Variants in MINDY2 observed in about 807,000 individuals in gnomAD.
MINDY2 encodes ubiquitin carboxyl-terminal hydrolase MINDY-2.
In MINDY2, 52 loss-of-function variants were observed where a neutral mutation model predicts 68.2. That is an observed-to-expected ratio of 0.76 (90% CI 0.61 to 0.96). The LOEUF (loss-of-function observed/expected upper bound fraction) is 0.96, where lower values mean the gene tolerates loss of function less well. Ranked by LOEUF, MINDY2 falls within the 40% of genes least tolerant of loss-of-function variation. MINDY2 has a pLI of 0.00. For missense variants in MINDY2, 881 were observed against 773.4 expected (o/e 1.14, Z -1.65); for synonymous variants, 372 against 303.0 (o/e 1.23, Z -2.36).
In MINDY2 at chr15:58,852,972, A is replaced by ATTTTTTTTTTTTTTTTTTTTT. The variant is rs1567079858; in HGVS notation, c.1737+1007_1737+1008insTTTTTTTTTTTTTTTTTTTTT. On this transcript the variant is annotated intron_variant, in intron 8 of 8. Transcript: ENST00000559228. ...TTTTTTTTTTTTTTTTTTTTTTTTA[A>ATTTTTTTTTTTTTTTTTTTTT]GACAGAGTCTCACTCTGTTGCCCAG... is the stretch of plus-strand genomic sequence containing the variant. Among the ~76,000 whole-genome samples, 28 of 17,272 alleles carry ATTTTTTTTTTTTTTTTTTTTT rather than the reference A, an allele frequency of 1.6e-3. 10 individuals carry two copies. Among genetic ancestry groups the ATTTTTTTTTTTTTTTTTTTTT allele is most frequent in the Non-Finnish European group, 3.6e-3 (22 of 6,082 alleles). The allele number at this position is 17,272 out of a possible 152,430, so 11.3% of individuals were successfully genotyped here. A position where few individuals can be genotyped will look rare whatever the true frequency, so the allele number is the denominator to read the frequency against.
intron 1 of MINDY2, among the ~76,000 whole-genome samples, chr15:58,783,129 C>T (rs557822863): frequency 2.0e-5 from 3 of 151,866 alleles, no homozygotes; most frequent in Non-Finnish European, 2.9e-5. Context: ...CCATGTTAGC[C>T]AGGCTGGTCT....
At chr15:58,818,317 G>A (rs1280914685) in intron 4 of MINDY2, among the ~76,000 whole-genome samples, 3 of 152,124 alleles carry the variant, frequency 2.0e-5, no homozygotes, top group African/African-American at 7.2e-5. Context: ...AGAGTGCAGT[G>A]GCGTGATCAT....
intron 6 of MINDY2, among the ~76,000 whole-genome samples, chr15:58,838,231 C>G (rs1225862079): frequency 6.6e-6 from 1 of 151,618 alleles, no homozygotes; most frequent in Non-Finnish European, 1.5e-5. Context: ...AACCCCATCT[C>G]TACTAAAAAT....
intron 6 of MINDY2, 78 bp downstream of exon 6, chr15:58,831,994 A>G (rs1338665038): frequency 1.6e-6 from 2 of 1,278,164 alleles, no homozygotes; most frequent in African/African-American, 1.5e-5. Flanking sequence ...TGATCTGCTT[A>G]TAAATAAAAG....
intron 4 of MINDY2, among the ~76,000 whole-genome samples, chr15:58,814,857 G>A (rs1333860121): frequency 1.4e-5 from 2 of 146,934 alleles, no homozygotes; most frequent in African/African-American, 5.0e-5. Flanking sequence ...CTCCCAGGCT[G>A]GTCTTGAACT....
intron 6 of MINDY2, among the ~76,000 whole-genome samples, chr15:58,843,365 G>C (rs1314528237): frequency 6.6e-6 from 1 of 152,040 alleles, no homozygotes; most frequent in East Asian, 1.9e-4. Context: ...TGGCCAGGCA[G>C]GTCTGAAACT....
At position 58,771,773 on chromosome 15, in the gene MINDY2, C is replaced by T. The variant is rs763187587; in HGVS notation, c.378C>T (p.Ala126=). The T allele has an allele frequency of 4.3e-6, 7 of 1,610,644 alleles. No individual in the cohort carries two copies. Among genetic ancestry groups the T allele is most frequent in the Non-Finnish European group, 5.9e-6 (7 of 1,179,154 alleles). Residue 126 remains alanine, a synonymous_variant, in exon 1 of 9, where the codon GCC becomes GCT. Coordinates refer to ENST00000559228, the MANE Select transcript of MINDY2 (RefSeq NM_001040450.3). ...VAGVGHELGT[A]GDAGARPDLA... ...GAGTGGGTCATGAGTTGGGTACCGCCGGAGACGCGGGAGCCCGCCCGGATC... is the reference window on the plus strand; with the variant it reads ...GAGTGGGTCATGAGTTGGGTACCGCTGGAGACGCGGGAGCCCGCCCGGATC...
chr15:58,821,492 A>G (rs549105324), intron 4 of MINDY2, among the ~76,000 whole-genome samples: 4 of 152,300 alleles, frequency 2.6e-5, no homozygotes, highest in African/African-American at 9.6e-5. Context: ...CTTATTTTGC[A>G]TAATTAAAAT....
Position 58,835,255 on chromosome 15 carries a change from C to T in MINDY2, c.1368+3339C>T, listed in dbSNP as rs190618098. Among the ~76,000 whole-genome samples the T allele has an allele frequency of 1.6e-3, 242 of 152,258 alleles. 1 individual carries two copies. Among genetic ancestry groups the T allele is most frequent in the African/African-American group, 5.5e-3 (230 of 41,544 alleles). ...TACAGTTTGTTAAGGATACATATCA[C>T]AAGCTGTGAGTGTTTTTATCAGGAT... On this transcript the variant is annotated intron_variant, in intron 6 of 8. Coordinates refer to ENST00000559228, the MANE Select transcript of MINDY2 (RefSeq NM_001040450.3).
At chr15:58,800,834 CA>C (rs59075081) in intron 2 of MINDY2, among the ~76,000 whole-genome samples, 46,949 of 108,836 alleles carry the variant, frequency 0.43, 10,604 homozygotes, top group Middle Eastern at 0.61. Flanking sequence ...GACTCTGTCT[CA>C]AAAAAAAAAA....
chr15:58,788,228 T>C (rs771637833), intron 2 of MINDY2, among the ~76,000 whole-genome samples: 1 of 152,160 alleles, frequency 6.6e-6, no homozygotes. Context: ...TCCCAATAAA[T>C]TGTAGAATGG....
intron 5 of MINDY2, among the ~76,000 whole-genome samples, chr15:58,823,286 C>A (rs2031189327): frequency 6.6e-6 from 1 of 151,652 alleles, no homozygotes; most frequent in Non-Finnish European, 1.5e-5. Flanking sequence ...TACAGGCATG[C>A]AATAATTTTG....
chr15:58,854,569 A>T lies in MINDY2; in HGVS notation c.1825A>T (p.Lys609Ter). The T allele has an allele frequency of 6.2e-7, 1 of 1,613,040 alleles. No individual in the cohort carries two copies. Among genetic ancestry groups the T allele is most frequent in the Non-Finnish European group, 8.5e-7 (1 of 1,179,858 alleles). ...ACGGAAGGAACCACGAGAAAAAGAT[A>T]AAGAAAAAGAAAAGGAAAAAAATAG... ...RKRKEPREKD[K>*]EKEKEKNSCV... Residue 609 changes from lysine to a stop codon, truncating the protein, a stop_gained, in exon 9 of 9, where the codon AAA becomes TAA. Transcript: ENST00000559228. LOFTEE classifies it high-confidence loss of function.
chr15:58,851,458 A>G (rs1869190184), intron 7 of MINDY2, among the ~76,000 whole-genome samples: 1 of 151,880 alleles, frequency 6.6e-6, no homozygotes, highest in African/African-American at 2.4e-5. Flanking sequence ...TCATATTTAT[A>G]GACAGGGTCT....
rs578041309 is a variant in MINDY2, at chr15:58,772,626, C to T, written c.840+391C>T. Reference sequence around the variant, plus strand: ...TAATCTTCAGAAGTTACCATCAATCCGTGATATCATGGACTAAGTTTTCAT... The same window carrying T: ...TAATCTTCAGAAGTTACCATCAATCTGTGATATCATGGACTAAGTTTTCAT... On this transcript the variant is annotated intron_variant, in intron 1 of 8. Coordinates refer to ENST00000559228, the MANE Select transcript of MINDY2 (RefSeq NM_001040450.3). Among the ~76,000 whole-genome samples the T allele has an allele frequency of 2.0e-5, 3 of 152,234 alleles. No individual in the cohort carries two copies. In the South Asian group the frequency reaches 6.2e-4, roughly 32 times the overall value.
At chr15:58,780,358 C>T (rs926310508) in intron 1 of MINDY2, among the ~76,000 whole-genome samples, 5 of 151,590 alleles carry the variant, frequency 3.3e-5, no homozygotes, top group Non-Finnish European at 5.9e-5. Context: ...GCCGAGATAG[C>T]GCCATTGCAC....
At chr15:58,792,484 T>C (rs1274332813) in intron 2 of MINDY2, among the ~76,000 whole-genome samples, 2 of 152,144 alleles carry the variant, frequency 1.3e-5, no homozygotes, top group Non-Finnish European at 2.9e-5. Flanking sequence ...CACATGCCTG[T>C]AATTCCAGCT....
chr15:58,791,215 T>TTATATATATATATATATATATACATA (rs1901873995), intron 2 of MINDY2, among the ~76,000 whole-genome samples: 1 of 79,586 alleles, frequency 1.3e-5, no homozygotes, highest in Non-Finnish European at 3.2e-5. Flanking sequence ...GAAAGCAATT[T>TTATATATATATATATATATATACATA]TATATATATA....
At chr15:58,854,126 C>G (rs2032965676) in intron 8 of MINDY2, among the ~76,000 whole-genome samples, 1 of 151,864 alleles carries the variant, frequency 6.6e-6, no homozygotes, top group Non-Finnish European at 1.5e-5. Context: ...TGCCTGTAAT[C>G]CTAGCTACTT....
Sources: allele counts gnomAD v4.1 joint callset (sites outside exome capture counted in the v4.1 genomes callset), GRCh38; gene constraint gnomAD v4.1.1; transcripts MANE v1.5; gene names NCBI Gene and HGNC (gene_info 2026-07-23, HGNC 2026-07-21).